The following RASGEF1A variants were observed in gnomAD, a reference collection of about 807,000 sequenced individuals.
RASGEF1A encodes the protein RasGEF domain family member 1A, also known as ras-GEF domain-containing family member 1A.
Under a neutral mutation model 56.4 loss-of-function variants are expected in RASGEF1A, and 18 were observed. That is an observed-to-expected ratio of 0.32 (90% confidence interval 0.22 to 0.47). The LOEUF (loss-of-function observed/expected upper bound fraction) is 0.47, where lower values mean the gene tolerates loss of function less well. Ranked by LOEUF, RASGEF1A falls within the 20% of genes least tolerant of loss-of-function variation. The pLI, the probability that RASGEF1A is intolerant of heterozygous loss-of-function variation, is 1.00. For synonymous variants in RASGEF1A, 245 were observed against 242.6 expected (o/e 1.01, Z -0.09); for missense variants, 422 against 627.1 (o/e 0.67, Z 3.49).
intron 1 of RASGEF1A, among the ~76,000 whole-genome samples, chr10:43,238,923 T>C (rs905248097): frequency 6.6e-6 from 1 of 152,226 alleles, no homozygotes; most frequent in Non-Finnish European, 1.5e-5. Context: ...CATGTGTCTG[T>C]TCCTAGAGCA....
chr10:43,202,641 G>T, intron 3 of RASGEF1A: 2 of 355,376 alleles, frequency 5.6e-6, no homozygotes, highest in South Asian at 2.1e-5. Context: ...GCTGGACCCC[G>T]CCCCCGGCCC....
chr10:43,230,692 A>G (rs952070726), intron 1 of RASGEF1A, among the ~76,000 whole-genome samples: 6 of 152,100 alleles, frequency 3.9e-5, no homozygotes, highest in African/African-American at 1.4e-4. Flanking sequence ...CTGATGGACA[A>G]TCGTGACCCT....
At chr10:43,214,433 A>C (rs1427429943) in intron 1 of RASGEF1A, among the ~76,000 whole-genome samples, 1 of 152,172 alleles carries the variant, frequency 6.6e-6, no homozygotes, top group Non-Finnish European at 1.5e-5. Context: ...GTCAGTGAGC[A>C]TTCACCCACC....
At chr10:43,266,085 A>G (rs759371147) in intron 1 of RASGEF1A, among the ~76,000 whole-genome samples, 29 of 152,290 alleles carry the variant, frequency 1.9e-4, no homozygotes, top group Middle Eastern at 3.4e-3. Flanking sequence ...CTCTCTGTAA[A>G]TATCCACCAG....
At position 43,206,813 on chromosome 10, in the gene RASGEF1A, G is replaced by A. The variant is rs112352475; in HGVS notation, c.-6-691C>T. 38 of 986,042 alleles carry A rather than the reference G, an allele frequency of 3.9e-5. No homozygotes were observed. The Admixed American group carries it at 6.7e-4, about 18-fold the overall frequency. 61.1% of individuals were successfully genotyped at this position (986,042 alleles called of 1,614,324 possible). On this transcript the variant is annotated intron_variant, in intron 1 of 12. Coordinates refer to ENST00000395810, the MANE Select transcript of RASGEF1A (RefSeq NM_145313.4). ...CTTGGGCCAAGTGGCTGACCAGTAT[G>A]AGGCAGGGCTGTGGGCAGGGCTAGA...
At chr10:43,236,934 G>A (rs1840438388) in intron 1 of RASGEF1A, among the ~76,000 whole-genome samples, 1 of 151,834 alleles carries the variant, frequency 6.6e-6, no homozygotes, top group Non-Finnish European at 1.5e-5. Context: ...CCTTGTGGGA[G>A]GGTCTCAGGG....
chr10:43,206,007 TC>T lies in RASGEF1A; in HGVS notation c.109del (p.Asp37ThrfsTer17), dbSNP rs1174993492. 6.2e-7 allele frequency: 1 copy of T among 1,611,154 alleles called. No homozygotes were observed. The highest frequency in any genetic ancestry group is 8.5e-7 in the Non-Finnish European group (1 of 1,179,390). On this transcript the variant is annotated frameshift_variant, in exon 2 of 13. Coordinates refer to ENST00000395810, the MANE Select transcript of RASGEF1A (RefSeq NM_145313.4). LOFTEE classifies it high-confidence loss of function. ...RGGGAGGGSG[D>X]LIFQDGHLIS... ...GAGGTGTCCATCTTGGAAGATGAGG[TC>T]CCCGGAGCCGCCACCGGCCCCGCCT...
chr10:43,201,370 G>T (rs1187983360), intron 4 of RASGEF1A, among the ~76,000 whole-genome samples: 1 of 152,214 alleles, frequency 6.6e-6, no homozygotes, highest in East Asian at 1.9e-4. Context: ...TGGAGGCCCA[G>T]TTGGCCCAGG....
intron 5 of RASGEF1A, among the ~76,000 whole-genome samples, 181 bp downstream of exon 5, chr10:43,200,486 G>A (rs1174250639): frequency 6.6e-6 from 1 of 152,234 alleles, no homozygotes; most frequent in Non-Finnish European, 1.5e-5. Flanking sequence ...GTGAGTGCCA[G>A]GCACAGAGGT....
chr10:43,233,578 T>C (rs2133212744), intron 1 of RASGEF1A, among the ~76,000 whole-genome samples: 1 of 152,302 alleles, frequency 6.6e-6, no homozygotes, highest in South Asian at 2.1e-4. Context: ...TGTGGCACCC[T>C]GCACACCCAG....
At chr10:43,223,641 G>T (rs983367094) in intron 1 of RASGEF1A, among the ~76,000 whole-genome samples, 2 of 152,166 alleles carry the variant, frequency 1.3e-5, no homozygotes, top group Admixed American at 6.5e-5. Context: ...TCAAAGAATA[G>T]AGTAGAACTC....
At chr10:43,249,538 T>C (rs2460552) in intron 1 of RASGEF1A, among the ~76,000 whole-genome samples, 116,410 of 152,232 alleles carry the variant, frequency 0.76, 44,663 homozygotes, top group East Asian at 0.96. Flanking sequence ...CCATTGCTGT[T>C]GGCTGGCTCT....
chr10:43,265,839 G>C (rs1008189689), intron 1 of RASGEF1A, among the ~76,000 whole-genome samples: 2 of 152,248 alleles, frequency 1.3e-5, no homozygotes, highest in South Asian at 4.1e-4. Context: ...ACCCTGGGGG[G>C]ACAGAGGGAA....
chr10:43,261,784 A>G (rs1227457636), intron 1 of RASGEF1A, among the ~76,000 whole-genome samples: 1 of 152,110 alleles, frequency 6.6e-6, no homozygotes, highest in Non-Finnish European at 1.5e-5. Context: ...GGGGCTGCAC[A>G]TTACCTTCAT....
chr10:43,207,929 T>C, intron 1 of RASGEF1A: 1 of 676,832 alleles, frequency 1.5e-6, no homozygotes, highest in Non-Finnish European at 1.8e-6. Context: ...TGTCACCACC[T>C]CCAGGAAGCC....
At position 43,195,365 on chromosome 10, in the gene RASGEF1A, G is replaced by T. The variant is rs1431757723; in HGVS notation, c.*879C>A. ...TACCCAGGTGGGAAGAGGGCTGTTGGCTGCCCTCCCCTCTGTAGATGATAG... is the reference window on the plus strand; with the variant it reads ...TACCCAGGTGGGAAGAGGGCTGTTGTCTGCCCTCCCCTCTGTAGATGATAG... On this transcript the variant is annotated 3_prime_UTR_variant, in exon 13 of 13. Coordinates refer to ENST00000395810, the MANE Select transcript of RASGEF1A (RefSeq NM_145313.4). This position sits in a 1 kb window ranked among gnomAD's most constrained non-coding sequence, Gnocchi z 4.2. 1 of 152,140 alleles carries T rather than the reference G, an allele frequency of 6.6e-6. No homozygotes were observed. The highest frequency in any genetic ancestry group is 1.5e-5 in the Non-Finnish European group (1 of 68,026). The allele number at this position is 152,140 out of a possible 1,614,324, so 9.4% of individuals were successfully genotyped here.
At chr10:43,266,394 G>A (rs1015107268) in intron 1 of RASGEF1A, among the ~76,000 whole-genome samples, 1 of 152,150 alleles carries the variant, frequency 6.6e-6, no homozygotes, top group Non-Finnish European at 1.5e-5. Context: ...ATACCACGGC[G>A]GGGCCCAGAA....
chr10:43,247,945 T>A (rs940616295), intron 1 of RASGEF1A, among the ~76,000 whole-genome samples: 2 of 151,502 alleles, frequency 1.3e-5, no homozygotes, highest in Admixed American at 6.6e-5. Flanking sequence ...ACACCTGTAA[T>A]CCCAGCACTT....
chr10:43,207,047 GTTTCCC>G, intron 1 of RASGEF1A: 2 of 985,532 alleles, frequency 2.0e-6, no homozygotes, highest in Non-Finnish European at 2.4e-6. Context: ...CTCTGGGCCT[GTTTCCC>G]CAGTGCCCCA....
Sources: allele counts gnomAD v4.1 joint callset (sites outside exome capture counted in the v4.1 genomes callset), GRCh38; gene constraint gnomAD v4.1.1; non-coding constraint Gnocchi (gnomAD v3.1); transcripts MANE v1.5; gene names NCBI Gene and HGNC (gene_info 2026-07-23, HGNC 2026-07-21).